CEP55: variants seen among roughly 807,000 people sequenced by gnomAD.
CEP55 encodes centrosomal protein of 55 kDa.
Under a neutral mutation model 63.2 loss-of-function variants are expected in CEP55, and 57 were observed. The observed-to-expected ratio is 0.90, with a 90% CI of 0.73 to 1.13. The LOEUF is 1.13. Among genes scored for constraint, CEP55 ranks in the 50% most tolerant of loss-of-function variants. The probability of loss-of-function intolerance (pLI) is 0.00; values close to 1 mark genes in which losing one functional copy is unlikely to be tolerated. For synonymous variants in CEP55, 178 were observed against 191.6 expected, an observed-to-expected ratio of 0.93 and a Z score of 0.59; for missense variants, 456 against 518.9, an observed-to-expected ratio of 0.88 and a Z score of 1.18.
chr10:93,500,224 G>C lies in CEP55; in HGVS notation c.173G>C (p.Arg58Thr). ...KGKLTDKERH[R>T]LLEKIRVLEA... ...AAGCTGACTGATAAAGAGAGACACA[G>C]ACTTTTGGAGGTAAATGGTCTTCTG... Residue 58 changes from arginine to threonine, a missense_variant, in exon 2 of 9, where the codon AGA becomes ACA. Arg to Thr is a moderately conservative substitution (Grantham distance 71, BLOSUM62 -1). Coordinates refer to ENST00000371485, the MANE Select transcript of CEP55 (RefSeq NM_018131.5). 1 of 1,608,922 alleles carries C rather than the reference G, an allele frequency of 6.2e-7. No individual in the cohort carries two copies. The highest frequency in any genetic ancestry group is 8.5e-7 in the Non-Finnish European group (1 of 1,178,466).
chr10:93,521,640 C>T (rs1233277708), intron 8 of CEP55, among the ~76,000 whole-genome samples: 1 of 152,186 alleles, frequency 6.6e-6, no homozygotes, highest in Non-Finnish European at 1.5e-5. Flanking sequence ...AACGGACAGA[C>T]TGCCTCTACA....
Position 93,503,253 on chromosome 10 carries a change from G to C in CEP55, c.324G>C (p.Thr108=). Residue 108 remains threonine (T), a synonymous_variant, in exon 3 of 9, where the codon ACG becomes ACC. Coordinates refer to ENST00000371485, the MANE Select transcript of CEP55 (RefSeq NM_018131.5). The stretch of plus-strand genomic sequence containing the variant: ...TGCTTGAACAGCTGGAAGAGACAAC[G>C]AGAGAAGGAGAAAGGAGGGAGCAGG... ...TTLLEQLEET[T]REGERREQVL... is the part of the protein sequence containing the mutation. 1 of 1,614,102 alleles carries C rather than the reference G, an allele frequency of 6.2e-7. No individual in the cohort carries two copies. Among genetic ancestry groups the C allele is most frequent in the Non-Finnish European group, 8.5e-7 (1 of 1,180,000 alleles).
chr10:93,499,518 C>CTTTTTTT (rs528933732), intron 1 of CEP55, among the ~76,000 whole-genome samples: 1 of 120,636 alleles, frequency 8.3e-6, no homozygotes, highest in African/African-American at 3.3e-5. Context: ...TACAAGTTGA[C>CTTTTTTT]TTTTTTTTTT....
chr10:93,518,033 A>G (rs2057821752), intron 6 of CEP55, among the ~76,000 whole-genome samples: 1 of 152,252 alleles, frequency 6.6e-6, no homozygotes, highest in Non-Finnish European at 1.5e-5. Flanking sequence ...TAAGCGAGGT[A>G]AATGCTAGTT....
intron 2 of CEP55, among the ~76,000 whole-genome samples, chr10:93,501,797 C>T (rs73323492): frequency 0.013 from 1,919 of 152,126 alleles, 43 homozygotes; most frequent in African/African-American, 0.043. Flanking sequence ...GAGGTAAATG[C>T]TTTTTCAAGC....
In CEP55 at chr10:93,517,223, A is replaced by G; in HGVS notation, c.968A>G (p.Lys323Arg). ...IARGKLEEEK[K>R]RSEELLSQVQ... ...AGGGGAAAACTTGAAGAAGAGAAGA[A>G]GAGATCCGAAGAGCTCTTATCTCAG... is the stretch of plus-strand genomic sequence containing the variant. Residue 323 changes from lysine (K) to arginine (R), a missense_variant, in exon 6 of 9, where the codon AAG becomes AGG. Transcript: ENST00000371485. The G allele has an allele frequency of 6.2e-7, 1 of 1,602,086 alleles. No individual in the cohort carries two copies. Among genetic ancestry groups the G allele is most frequent in the Non-Finnish European group, 8.5e-7 (1 of 1,174,572 alleles).
At chr10:93,501,860 T>A (rs1044209106) in intron 2 of CEP55, among the ~76,000 whole-genome samples, 1 of 152,204 alleles carries the variant, frequency 6.6e-6, no homozygotes, top group African/African-American at 2.4e-5. Flanking sequence ...TTTTGCAATC[T>A]GGTAAAGGAA....
At chr10:93,501,371 G>A (rs1023870984) in intron 2 of CEP55, among the ~76,000 whole-genome samples, 1 of 152,150 alleles carries the variant, frequency 6.6e-6, no homozygotes, top group African/African-American at 2.4e-5. Flanking sequence ...TTGCAAAAGT[G>A]CTTTTATTGT....
intron 5 of CEP55, 63 bp downstream of exon 5, chr10:93,515,618 C>A: frequency 6.9e-7 from 1 of 1,445,932 alleles, no homozygotes; most frequent in South Asian, 1.5e-5. Flanking sequence ...AGGAATGATT[C>A]ATCAAATTTA....
chr10:93,499,776 T>C (rs2134453924), intron 1 of CEP55, among the ~76,000 whole-genome samples: 1 of 152,066 alleles, frequency 6.6e-6, no homozygotes, highest in South Asian at 2.1e-4. Flanking sequence ...CATCTTGACC[T>C]CCCAAAGTGC....
intron 8 of CEP55, among the ~76,000 whole-genome samples, chr10:93,523,890 A>G (rs1479164978): frequency 2.0e-5 from 3 of 152,244 alleles, no homozygotes; most frequent in Non-Finnish European, 4.4e-5. Context: ...TTTGAAACCA[A>G]TGAGAACAAA....
At position 93,528,267 on chromosome 10, in the gene CEP55, G is replaced by A. The variant is rs1401812308; in HGVS notation, c.*114G>A. ...TGCATAAAACTGCCTATCTACCTTT[G>A]ACACTCCAGCATGCTAGTGAATCAT... On this transcript the variant is annotated 3_prime_UTR_variant, in exon 9 of 9. Transcript: ENST00000371485. 2.5e-6 allele frequency: 2 copies of A among 813,548 alleles called. No individual in the cohort carries two copies. The highest frequency in any genetic ancestry group is 1.7e-5 in the African/African-American group (1 of 58,114). 50.4% of individuals were successfully genotyped at this position (813,548 alleles called of 1,614,324 possible). A position where few individuals can be genotyped will look rare whatever the true frequency, so the allele number is the denominator to read the frequency against.
intron 1 of CEP55, 91 bp from the exon 2 acceptor site, chr10:93,499,949 T>C: frequency 2.4e-6 from 2 of 833,514 alleles, no homozygotes; most frequent in East Asian, 2.5e-5. Flanking sequence ...ATATCATTTC[T>C]ATTTAGAGCA....
chr10:93,512,120 G>A (rs934786609), intron 4 of CEP55, among the ~76,000 whole-genome samples: 3 of 151,102 alleles, frequency 2.0e-5, no homozygotes, highest in African/African-American at 4.9e-5. Context: ...CCAGCTACTC[G>A]GGAGGCTGAG....
At chr10:93,511,585 G>C (rs1179421944) in intron 4 of CEP55, among the ~76,000 whole-genome samples, 1 of 151,850 alleles carries the variant, frequency 6.6e-6, no homozygotes, top group African/African-American at 2.4e-5. Context: ...AGTGATGTAT[G>C]GTTCCTTTTT....
rs200031841 is a variant in CEP55, at chr10:93,503,194, G to A, written c.265G>A (p.Asp89Asn). 3.1e-6 allele frequency: 5 copies of A among 1,614,024 alleles called. No individual in the cohort carries two copies. In the Admixed American group the frequency reaches 8.3e-5, roughly 27 times the overall value. ...EKDKEIQRLR[D>N]QLKARYSTTT... ...GGACAAAGAAATACAGCGACTGAGA[G>A]ACCAACTGAAGGCCAGATATAGTAC... is the stretch of plus-strand genomic sequence containing the variant. Residue 89 changes from aspartate (D) to asparagine (N), a missense_variant, in exon 3 of 9, where the codon GAC (aspartate) becomes AAC (asparagine). Transcript: ENST00000371485.
intron 1 of CEP55, among the ~76,000 whole-genome samples, chr10:93,499,344 A>C (rs2057606900): frequency 6.6e-6 from 1 of 152,152 alleles, no homozygotes; most frequent in African/African-American, 2.4e-5. Flanking sequence ...ATTATTTACC[A>C]ACAGCTTTTT....
At chr10:93,516,602 C>T (rs1589655019) in intron 5 of CEP55, among the ~76,000 whole-genome samples, 1 of 152,138 alleles carries the variant, frequency 6.6e-6, no homozygotes, top group South Asian at 2.1e-4. Context: ...GGCAACTGCT[C>T]TTAATATTTC....
At chr10:93,527,083 TAA>T (rs67405914) in intron 8 of CEP55, among the ~76,000 whole-genome samples, 110 of 150,684 alleles carry the variant, frequency 7.3e-4, no homozygotes, top group African/African-American at 2.6e-3. Context: ...AAAGTATAAT[TAA>T]AAAAAAAAAA....
Sources: allele counts gnomAD v4.1 joint callset (sites outside exome capture counted in the v4.1 genomes callset), GRCh38; gene constraint gnomAD v4.1.1; transcripts MANE v1.5; gene names NCBI Gene and HGNC (gene_info 2026-07-23, HGNC 2026-07-21).